Variants in GPR176 observed in about 807,000 individuals in gnomAD.
The protein encoded by GPR176 is G-protein coupled receptor 176.
Under a neutral mutation model 35.4 loss-of-function variants are expected in GPR176, and 26 were observed. The ratio of observed to expected loss-of-function variants is 0.74; its 90% confidence interval spans 0.54 to 1.02. GPR176 has a LOEUF of 1.02. Among genes scored for constraint, GPR176 ranks in the 50% least tolerant of loss-of-function variants. The probability of loss-of-function intolerance (pLI) is 0.00; values close to 1 mark genes in which losing one functional copy is unlikely to be tolerated. For missense variants in GPR176, 597 were observed against 665.3 expected (o/e 0.90, Z 1.13); for synonymous variants, 278 against 271.3 (o/e 1.02, Z -0.24).
intron 1 of GPR176, among the ~76,000 whole-genome samples, chr15:39,903,021 T>G (rs974382008): frequency 4.6e-5 from 7 of 152,246 alleles, no homozygotes; most frequent in African/African-American, 1.7e-4. Flanking sequence ...CAGTACAGTA[T>G]TTAATAAACT....
In GPR176 at chr15:39,866,290, T is replaced by C. The variant is rs2031826399; in HGVS notation, c.172+53565A>G. Among the ~76,000 whole-genome samples, 3 of 152,272 alleles carry C rather than the reference T, an allele frequency of 2.0e-5. No homozygotes were observed. In the South Asian group the frequency reaches 6.2e-4, roughly 32 times the overall value. ...GGCTGGACTTTTCTAATTATCCCTC[T>C]CGATATACTTCTCCATTTTGAACAA... On this transcript the variant is annotated intron_variant, in intron 1 of 2. Transcript: ENST00000561100.
intron 1 of GPR176, among the ~76,000 whole-genome samples, chr15:39,914,004 C>T (rs1349246415): frequency 2.0e-5 from 3 of 152,122 alleles, no homozygotes; most frequent in Non-Finnish European, 4.4e-5. Flanking sequence ...TGAGATAGCG[C>T]CACCGCACTC....
chr15:39,866,215 A>G lies in GPR176; in HGVS notation c.172+53640T>C, dbSNP rs142518469. 3.0e-3 allele frequency among the ~76,000 whole-genome samples: 461 copies of G among 152,324 alleles called. 5 individuals carry two copies. In the East Asian group the frequency reaches 0.032, roughly 11 times the overall value. ...ACCAGAAAGATAAATTTAAAAATGTATGGAAAGTGGATATCTATAAGGGGT... is the reference window on the plus strand; with the variant it reads ...ACCAGAAAGATAAATTTAAAAATGTGTGGAAAGTGGATATCTATAAGGGGT... On this transcript the variant is annotated intron_variant, in intron 1 of 2. Coordinates refer to ENST00000561100, the MANE Select transcript of GPR176 (RefSeq NM_007223.3).
intron 1 of GPR176, among the ~76,000 whole-genome samples, chr15:39,878,850 C>A (rs2032361956): frequency 6.6e-6 from 1 of 152,312 alleles, no homozygotes; most frequent in Admixed American, 6.5e-5. Flanking sequence ...AAGTAAATGA[C>A]CAGAGTGACA....
chr15:39,876,430 C>A (rs1595499917), intron 1 of GPR176, among the ~76,000 whole-genome samples: 2 of 152,146 alleles, frequency 1.3e-5, no homozygotes, highest in South Asian at 2.1e-4. Context: ...GATTTAAACA[C>A]ACCTTCTCTC....
At chr15:39,818,252 A>G (rs1900046334) in intron 1 of GPR176, among the ~76,000 whole-genome samples, 1 of 152,240 alleles carries the variant, frequency 6.6e-6, no homozygotes, top group African/African-American at 2.4e-5. Flanking sequence ...TATTGGCATG[A>G]GAAAATCATG....
At chr15:39,891,303 C>T (rs2032862747) in intron 1 of GPR176, among the ~76,000 whole-genome samples, 1 of 152,108 alleles carries the variant, frequency 6.6e-6, no homozygotes, top group South Asian at 2.1e-4. Context: ...TACTCAATTC[C>T]AAAGGGCCAC....
At chr15:39,907,456 A>G (rs752792801) in intron 1 of GPR176, among the ~76,000 whole-genome samples, 3 of 152,164 alleles carry the variant, frequency 2.0e-5, no homozygotes, top group Non-Finnish European at 4.4e-5. Flanking sequence ...TGTTTTGACA[A>G]TCCTGAGAGC....
intron 1 of GPR176, among the ~76,000 whole-genome samples, chr15:39,918,065 G>T (rs1358251658): frequency 1.4e-5 from 1 of 73,036 alleles, no homozygotes. Flanking sequence ...AAAAAAAAAA[G>T]ACTCCTTAGC....
chr15:39,809,910 C>T (rs1317672904), intron 1 of GPR176, among the ~76,000 whole-genome samples: 1 of 152,130 alleles, frequency 6.6e-6, no homozygotes, highest in East Asian at 1.9e-4. Flanking sequence ...CTTTGGGAGG[C>T]TGAGGCGGGC....
At chr15:39,914,626 T>C (rs1355605615) in intron 1 of GPR176, among the ~76,000 whole-genome samples, 1 of 152,192 alleles carries the variant, frequency 6.6e-6, no homozygotes, top group Non-Finnish European at 1.5e-5. Context: ...ACCTTATTCT[T>C]AACGTAGTCT....
chr15:39,841,150 A>C (rs759648690), intron 1 of GPR176, among the ~76,000 whole-genome samples: 5 of 152,052 alleles, frequency 3.3e-5, no homozygotes, highest in Non-Finnish European at 7.4e-5. Context: ...TTATAACTAG[A>C]TTGTGAATAT....
In GPR176 at chr15:39,807,189, T is replaced by C. The variant is rs755306776; in HGVS notation, c.242A>G (p.Lys81Arg). The C allele has an allele frequency of 6.2e-7, 1 of 1,613,528 alleles. No homozygotes were observed. The highest frequency in any genetic ancestry group is 2.2e-5 in the East Asian group (1 of 44,870). ...VFKSVTNRFIKNLACSGICAS... is the reference protein window; with the variant it reads ...VFKSVTNRFIRNLACSGICAS... ...ACAAATCCCCGAGCAGGCCAGGTTT[T>C]TAATGAACCTGTTGGTGACAGATTT... The change falls in exon 2 of 3, where the codon AAA (lysine) becomes AGA (arginine). Residue 81 changes from lysine (K) to arginine (R), a missense_variant. Lys to Arg is a conservative substitution (Grantham distance 26, BLOSUM62 2). This residue lies in a region of GPR176 where 220 missense variants were observed against 297.6 expected (regional missense o/e 0.74). Transcript: ENST00000561100.
chr15:39,857,983 A>G (rs866148958), intron 1 of GPR176, among the ~76,000 whole-genome samples: 14 of 151,570 alleles, frequency 9.2e-5, no homozygotes, highest in South Asian at 2.1e-4. Flanking sequence ...AAAAAAAAAA[A>G]AAAGAAAGAA....
intron 1 of GPR176, among the ~76,000 whole-genome samples, chr15:39,895,550 T>C (rs2033088077): frequency 6.6e-6 from 1 of 152,224 alleles, no homozygotes; most frequent in South Asian, 2.1e-4. Flanking sequence ...CTTTTCACCT[T>C]AATAAACATA....
chr15:39,863,476 T>G (rs1193980856), intron 1 of GPR176, among the ~76,000 whole-genome samples: 1 of 152,082 alleles, frequency 6.6e-6, no homozygotes, highest in Non-Finnish European at 1.5e-5. Context: ...ATCCAAAAGC[T>G]TTAAAGCATT....
chr15:39,854,465 T>C (rs2140813998), intron 1 of GPR176, among the ~76,000 whole-genome samples: 1 of 152,338 alleles, frequency 6.6e-6, no homozygotes, highest in African/African-American at 2.4e-5. Context: ...AAGACTTCTA[T>C]GAATCATGTC....
chr15:39,892,914 G>A (rs1291267566), intron 1 of GPR176, among the ~76,000 whole-genome samples: 1 of 152,200 alleles, frequency 6.6e-6, no homozygotes, highest in Admixed American at 6.5e-5. Context: ...ATGCGGCCAA[G>A]CTCTATGCTG....
At chr15:39,804,821 G>T (rs754940981) in intron 2 of GPR176, among the ~76,000 whole-genome samples, 1 of 152,114 alleles carries the variant, frequency 6.6e-6, no homozygotes, top group Non-Finnish European at 1.5e-5. Context: ...CATGCTGAGT[G>T]AAAGAAGCCA....
Sources: allele counts gnomAD v4.1 joint callset (sites outside exome capture counted in the v4.1 genomes callset), GRCh38; gene constraint gnomAD v4.1.1; regional missense constraint gnomAD v4.1.1; transcripts MANE v1.5; gene names NCBI Gene and HGNC (gene_info 2026-07-23, HGNC 2026-07-21).